PWWP3A: variants seen among roughly 807,000 people sequenced by gnomAD.
PWWP3A encodes the protein PWWP domain containing 3A, DNA repair factor.
PWWP3A carries 53 observed loss-of-function variants against 79.0 expected under a neutral mutation model. That is an observed-to-expected ratio of 0.67 (90% CI 0.54 to 0.84). The LOEUF is 0.84. Among genes scored for constraint, PWWP3A ranks in the 40% least tolerant of loss-of-function variants. The probability of loss-of-function intolerance (pLI) is 0.00; values close to 1 mark genes in which losing one functional copy is unlikely to be tolerated. For synonymous variants in PWWP3A, 443 were observed against 394.4 expected (o/e 1.12, Z -1.46); for missense variants, 973 against 948.0 (o/e 1.03, Z -0.35).
intron 4 of PWWP3A, chr19:1,358,991 C>T (rs917010498): frequency 2.3e-5 from 7 of 307,870 alleles, no homozygotes; most frequent in African/African-American, 1.3e-4. Flanking sequence ...CGAGGCAGGT[C>T]GGAAGTGGAG....
chr19:1,362,690 T>G (rs1455631351), intron 6 of PWWP3A, among the ~76,000 whole-genome samples: 2 of 152,208 alleles, frequency 1.3e-5, no homozygotes, highest in Admixed American at 6.5e-5. Flanking sequence ...TGCGTCGCCA[T>G]TGCTCGGGTG....
chr19:1,370,301 C>T (rs2082223296), intron 11 of PWWP3A, among the ~76,000 whole-genome samples: 1 of 152,216 alleles, frequency 6.6e-6, no homozygotes, highest in Admixed American at 6.5e-5. Flanking sequence ...CCAGCATTTT[C>T]CTTTATCGAC....
At chr19:1,361,964 C>A in intron 5 of PWWP3A, 1 of 307,076 alleles carries the variant, frequency 3.3e-6, no homozygotes, top group South Asian at 3.7e-5. Context: ...ACCCAGGGTG[C>A]GCGCAGCTTC....
chr19:1,369,433 C>T lies in PWWP3A; in HGVS notation c.1498+93C>T, dbSNP rs1568950398. ...GGGCTGGGCCGGAGCTGCCTGGAGG[C>T]GGGGCATATTTCCGTGGGCCTGGGG... On this transcript the variant is annotated intron_variant, in intron 10 of 13. Coordinates refer to ENST00000591337, the MANE Select transcript of PWWP3A (RefSeq NM_001369789.1). This position sits in a 1 kb window ranked among gnomAD's most constrained non-coding sequence, Gnocchi z 4.0. 6 of 1,511,768 alleles carry T rather than the reference C, an allele frequency of 4.0e-6. No individual in the cohort carries two copies. Among genetic ancestry groups the T allele is most frequent in the East Asian group, 2.3e-5 (1 of 44,292 alleles). The allele number at this position is 1,511,768 out of a possible 1,614,324, so 93.6% of individuals were successfully genotyped here. A position where few individuals can be genotyped will look rare whatever the true frequency, so the allele number is the denominator to read the frequency against.
At position 1,376,868 on chromosome 19, in the gene PWWP3A, ACTC is replaced by A. The variant is rs1600137531; in HGVS notation, c.*295_*297del. 1 of 288,090 alleles carries A rather than the reference ACTC, an allele frequency of 3.5e-6. No homozygotes were observed. The highest frequency in any genetic ancestry group is 5.5e-5 in the Admixed American group (1 of 18,156). The allele number at this position is 288,090 out of a possible 1,614,324, so 17.8% of individuals were successfully genotyped here. ...GGAAGCGTATTCACTGTGCGCCAGT[ACTC>A]CTGGCTGTGCTGTGGTTTCTCCCGA... On this transcript the variant is annotated 3_prime_UTR_variant, in exon 14 of 14. Coordinates refer to ENST00000591337, the MANE Select transcript of PWWP3A (RefSeq NM_001369789.1).
chr19:1,370,931 C>T lies in PWWP3A; in HGVS notation c.1839C>T (p.Thr613=), dbSNP rs758663365. 9.6e-6 allele frequency: 15 copies of T among 1,556,534 alleles called. No homozygotes were observed. Among genetic ancestry groups the T allele is most frequent in the Non-Finnish European group, 1.3e-5 (15 of 1,149,582 alleles). The change falls in exon 12 of 14, where the codon ACC becomes ACT. Residue 613 remains threonine (T), a synonymous_variant. Coordinates refer to ENST00000591337, the MANE Select transcript of PWWP3A (RefSeq NM_001369789.1). ...TCCTGAGCTCCAGCCAGTACGTGAC[C>T]TGTGTGGAGACCTACCTGGAGGATG... ...QTFLSSSQYV[T]CVETYLEDEG...
chr19:1,371,006 G>A lies in PWWP3A; in HGVS notation c.1914G>A (p.Glu638=), dbSNP rs778370481. ...AGTACCTGCAGGGCGTCTACCAGGA[G>A]GTGGGGGCCAAGGTGCTCCAGCGCA... ...VVKYLQGVYQ[E]VGAKVLQRTN... The change falls in exon 12 of 14, where the codon GAG becomes GAA. Residue 638 remains glutamate, a synonymous_variant. Coordinates refer to ENST00000591337, the MANE Select transcript of PWWP3A (RefSeq NM_001369789.1). The A allele has an allele frequency of 1.9e-6, 3 of 1,572,204 alleles. No individual in the cohort carries two copies. The highest frequency in any genetic ancestry group is 1.3e-5 in the African/African-American group (1 of 74,178).
rs116940656 is a variant in PWWP3A at position 1,368,489 on chromosome 19, G to A, written c.1423-776G>A. 1.1e-4 allele frequency among the ~76,000 whole-genome samples: 17 copies of A among 152,146 alleles called. No individual in the cohort carries two copies. The highest frequency in any genetic ancestry group is 2.1e-4 in the South Asian group (1 of 4,820). On this transcript the variant is annotated intron_variant, in intron 9 of 13. Coordinates refer to ENST00000591337, the MANE Select transcript of PWWP3A (RefSeq NM_001369789.1). The surrounding 1 kb of genome is among the most constrained non-coding windows in gnomAD (Gnocchi z 4.7). Reference sequence around the variant, plus strand: ...GGGAAGCCGTGCTTTAGGAAAGTGCGGGGGCTGCTGGGCAGGCAGAGAGCG... The same window carrying A: ...GGGAAGCCGTGCTTTAGGAAAGTGCAGGGGCTGCTGGGCAGGCAGAGAGCG...
At position 1,376,570 on chromosome 19, in the gene PWWP3A, T is replaced by A; in HGVS notation, c.2127T>A (p.Arg709=). The change falls in exon 14 of 14, where the codon CGT becomes CGA. Residue 709 remains arginine (R), a synonymous_variant. Transcript: ENST00000591337. ...TCCTTGAAGAGCGGAACCGGCGCCG[T>A]CGGTGAGGGAGCAGCCGGCTGTGCT... ...NQLLEERNRR[R]R 6.2e-7 allele frequency: 1 copy of A among 1,613,328 alleles called. No homozygotes were observed. Among genetic ancestry groups the A allele is most frequent in the Non-Finnish European group, 8.5e-7 (1 of 1,179,824 alleles).
chr19:1,362,040 C>T, intron 5 of PWWP3A: 2 of 392,960 alleles, frequency 5.1e-6, no homozygotes, highest in Non-Finnish European at 9.3e-6. Flanking sequence ...TCCCTCCCTC[C>T]TTCCCTCCTT....
Position 1,360,056 on chromosome 19 carries a change from G to A in PWWP3A, c.215-80G>A. 4 of 1,392,136 alleles carry A rather than the reference G, an allele frequency of 2.9e-6. No homozygotes were observed. The highest frequency in any genetic ancestry group is 3.8e-6 in the Non-Finnish European group (4 of 1,053,820). The allele number at this position is 1,392,136 out of a possible 1,614,324, so 86.2% of individuals were successfully genotyped here. ...GAAACTAGCCGTCAGAATGAGACAAGCGAGCTTCTAAAGCGATGCCGTGAC... is the reference window on the plus strand; with the variant it reads ...GAAACTAGCCGTCAGAATGAGACAAACGAGCTTCTAAAGCGATGCCGTGAC... On this transcript the variant is annotated intron_variant, in intron 4 of 13. Transcript: ENST00000591337. The surrounding 1 kb of genome is among the most constrained non-coding windows in gnomAD (Gnocchi z 4.4).
At chr19:1,370,445 G>A (rs903682902) in intron 11 of PWWP3A, among the ~76,000 whole-genome samples, 197 bp from the exon 12 acceptor site, 3 of 152,168 alleles carry the variant, frequency 2.0e-5, no homozygotes, top group African/African-American at 7.2e-5. Context: ...GGCCCAGTGA[G>A]GGGGGAAAGG....
chr19:1,363,889 G>A (rs755954756), intron 6 of PWWP3A, among the ~76,000 whole-genome samples: 7 of 152,062 alleles, frequency 4.6e-5, no homozygotes, highest in African/African-American at 9.7e-5. Context: ...TCCACAGTGC[G>A]GTCAGACACA....
At chr19:1,373,613 T>C (rs571531936) in intron 13 of PWWP3A, 7 of 162,392 alleles carry the variant, frequency 4.3e-5, no homozygotes, top group African/African-American at 1.7e-4. Flanking sequence ...CCTTGGATGT[T>C]TGGCCCCCAG....
At chr19:1,367,788 C>CT in intron 9 of PWWP3A, among the ~76,000 whole-genome samples, 1 of 152,346 alleles carries the variant, frequency 6.6e-6, no homozygotes, top group Non-Finnish European at 1.5e-5. Flanking sequence ...TCAGAAATGT[C>CT]TATTTCCCCT....
intron 12 of PWWP3A, among the ~76,000 whole-genome samples, chr19:1,371,805 C>CTTTTT (rs1237018248): frequency 7.0e-5 from 9 of 127,706 alleles, no homozygotes; most frequent in East Asian, 2.1e-4. Flanking sequence ...AACCCTCAAG[C>CTTTTT]TTTTTTTTTT....
intron 11 of PWWP3A, among the ~76,000 whole-genome samples, chr19:1,370,348 G>T (rs1173857421): frequency 6.6e-6 from 1 of 152,222 alleles, no homozygotes; most frequent in Non-Finnish European, 1.5e-5. Context: ...GTTGGTGGAG[G>T]AGTGGACGTG....
intron 1 of PWWP3A, among the ~76,000 whole-genome samples, 185 bp downstream of exon 1, chr19:1,355,320 G>T (rs1600090056): frequency 6.6e-6 from 1 of 151,792 alleles, no homozygotes. Context: ...CCCTCACTTT[G>T]CCTGGACTCC....
In PWWP3A at chr19:1,375,549, A is replaced by ATAATATAATTT. The variant is rs1568965434; in HGVS notation, c.2076-968_2076-967insATATAATTTTA. Among the ~76,000 whole-genome samples the ATAATATAATTT allele has an allele frequency of 8.8e-4, 3 of 3,426 alleles. No homozygotes were observed. In the East Asian group the frequency reaches 0.071, roughly 82 times the overall value. The allele number at this position is 3,426 out of a possible 152,430, so 2.2% of individuals were successfully genotyped here. Reference sequence around the variant, plus strand: ...ATAATTTATATATTTTATATATAAAATATATATTATATATAAAATATATTA... The same window carrying ATAATATAATTT: ...ATAATTTATATATTTTATATATAAAATAATATAATTTTATATATTATATATAAAATATATTA... On this transcript the variant is annotated intron_variant, in intron 13 of 13. Coordinates refer to ENST00000591337, the MANE Select transcript of PWWP3A (RefSeq NM_001369789.1).
Sources: gnomAD v4.1 joint callset for allele counts (sites outside exome capture counted in the v4.1 genomes callset) on GRCh38, gnomAD v4.1.1 for gene constraint, Gnocchi (gnomAD v3.1) non-coding constraint, MANE v1.5 for transcripts, NCBI Gene and HGNC (gene_info 2026-07-23, HGNC 2026-07-21) for gene names.